Variants in DLC1 observed in about 807,000 individuals in gnomAD.
The protein encoded by DLC1 is rho GTPase-activating protein 7.
DLC1 carries 54 observed loss-of-function variants against 140.3 expected under a neutral mutation model. That is an observed-to-expected ratio of 0.38 (90% CI 0.31 to 0.48). The LOEUF (loss-of-function observed/expected upper bound fraction) is 0.48. Among genes scored for constraint, DLC1 ranks in the 20% least tolerant of loss-of-function variants. The pLI is 0.96. For synonymous variants in DLC1, 986 were observed against 728.1 expected, an observed-to-expected ratio of 1.35 and a Z score of -5.70; for missense variants, 2,536 against 1,907.0, an observed-to-expected ratio of 1.33 and a Z score of -6.14.
intron 5 of DLC1, among the ~76,000 whole-genome samples, chr8:13,175,360 A>C (rs1393377623): frequency 7.2e-6 from 1 of 139,328 alleles, no homozygotes; most frequent in African/African-American, 2.7e-5. Flanking sequence ...TTTTGGTTTG[A>C]TATGAAGTTC....
intron 5 of DLC1, among the ~76,000 whole-genome samples, chr8:13,268,073 T>C (rs1260714456): frequency 6.6e-6 from 1 of 152,194 alleles, no homozygotes; most frequent in African/African-American, 2.4e-5. Flanking sequence ...TATGTGTAAA[T>C]TGAAATATTT....
At chr8:13,117,970 C>A (rs993560720) in intron 5 of DLC1, among the ~76,000 whole-genome samples, 13 of 149,644 alleles carry the variant, frequency 8.7e-5, no homozygotes, top group Non-Finnish European at 1.2e-4. Flanking sequence ...TTCAGCAACA[C>A]AAAAATGCAT....
At chr8:13,601,984 G>A (rs960574567) in intron 1 of DLC1, among the ~76,000 whole-genome samples, 1 of 151,578 alleles carries the variant, frequency 6.6e-6, no homozygotes, top group African/African-American at 2.4e-5. Flanking sequence ...AGCTCCAATG[G>A]CTACCAACGT....
chr8:13,147,917 G>A (rs1298592752), intron 5 of DLC1, among the ~76,000 whole-genome samples: 1 of 152,144 alleles, frequency 6.6e-6, no homozygotes. Flanking sequence ...GAACCCGGGA[G>A]GCGGAGGTTG....
rs370289370 is a variant in DLC1 at position 13,090,230 on chromosome 8, C to T, written c.4074+22G>A. 2.7e-5 allele frequency: 44 copies of T among 1,606,602 alleles called. No individual in the cohort carries two copies. The East Asian group carries it at 3.1e-4, about 11-fold the overall frequency. ...GCTTCGACTCCTGGACTCAACTAGC[C>T]GACAACAGGGTGAAGCCTTACCTTC... On this transcript the variant is annotated intron_variant, in intron 15 of 17. Coordinates refer to ENST00000276297, the MANE Select transcript of DLC1 (RefSeq NM_182643.3).
chr8:13,452,091 A>G, intron 2 of DLC1, among the ~76,000 whole-genome samples: 1 of 152,098 alleles, frequency 6.6e-6, no homozygotes, highest in East Asian at 1.9e-4. Context: ...TTTGAGAGAT[A>G]GTCTTTTAAA....
chr8:13,533,929 C>T (rs1246524649), intron 1 of DLC1, among the ~76,000 whole-genome samples: 1 of 152,116 alleles, frequency 6.6e-6, no homozygotes, highest in Non-Finnish European at 1.5e-5. Flanking sequence ...TGTAAGTTTC[C>T]TGAGGCCTCC....
chr8:13,542,334 AT>A (rs1374294451), intron 1 of DLC1, among the ~76,000 whole-genome samples: 1 of 152,124 alleles, frequency 6.6e-6, no homozygotes, highest in African/African-American at 2.4e-5. Flanking sequence ...CTGCCTTTGC[AT>A]TTTGCTGACA....
chr8:13,457,317 C>T (rs576876949), intron 2 of DLC1, among the ~76,000 whole-genome samples: 1 of 152,146 alleles, frequency 6.6e-6, no homozygotes, highest in South Asian at 2.1e-4. Context: ...AAATATGCTC[C>T]TGTCATGCTA....
chr8:13,587,399 G>A (rs997817822), intron 1 of DLC1, among the ~76,000 whole-genome samples: 5 of 151,820 alleles, frequency 3.3e-5, no homozygotes, highest in Non-Finnish European at 7.4e-5. Context: ...TCCAAACAAA[G>A]CTCTGTTGGA....
At chr8:13,595,153 A>G (rs2117483751) in intron 1 of DLC1, among the ~76,000 whole-genome samples, 1 of 152,222 alleles carries the variant, frequency 6.6e-6, no homozygotes, top group African/African-American at 2.4e-5. Flanking sequence ...CACAAGCATT[A>G]AGATTACTAA....
chr8:13,171,926 G>A (rs1563135040), intron 5 of DLC1, among the ~76,000 whole-genome samples: 3 of 152,134 alleles, frequency 2.0e-5, no homozygotes, highest in South Asian at 4.1e-4. Flanking sequence ...CTACGGCTAC[G>A]GGTATCTGAA....
rs539517145 is a variant in DLC1, at chr8:13,143,751, G to C, written c.1349-28094C>G. ...TTGGGATAATCATTCTGGCGTCTTTGGCTACAATGTAAGAAGTTTGGTTGC... is the reference window on the plus strand; with the variant it reads ...TTGGGATAATCATTCTGGCGTCTTTCGCTACAATGTAAGAAGTTTGGTTGC... On this transcript the variant is annotated intron_variant, in intron 5 of 17. Transcript: ENST00000276297. Among the ~76,000 whole-genome samples, 4 of 150,834 alleles carry C rather than the reference G, an allele frequency of 2.7e-5. No homozygotes were observed. The East Asian group carries it at 7.8e-4, about 29-fold the overall frequency.
intron 4 of DLC1, among the ~76,000 whole-genome samples, chr8:13,379,662 G>A (rs1387540750): frequency 6.6e-6 from 1 of 152,052 alleles, no homozygotes; most frequent in African/African-American, 2.4e-5. Flanking sequence ...TTTACTTCAA[G>A]TTCTGGGGTA....
rs796687286 is a variant in DLC1, at chr8:13,592,416, T to C, written c.-126+12121A>G. Among the ~76,000 whole-genome samples the C allele has an allele frequency of 8.5e-5, 13 of 152,182 alleles. 1 individual carries two copies. Among genetic ancestry groups the C allele is most frequent in the South Asian group, 4.1e-4 (2 of 4,830 alleles). On this transcript the variant is annotated intron_variant, in intron 1 of 1. Coordinates refer to the DLC1 transcript ENST00000631382. The stretch of plus-strand genomic sequence containing the variant: ...TATTTATATTTTTATATTTCTCCCA[T>C]TTTTTGTAGCAAACATATGGATCTT...
chr8:13,431,644 A>G (rs1838878571), intron 2 of DLC1, among the ~76,000 whole-genome samples: 1 of 152,020 alleles, frequency 6.6e-6, no homozygotes. Context: ...CAAGACATAC[A>G]TCTGCTTTAG....
chr8:13,098,610 G>A, intron 9 of DLC1, 35 bp from the exon 10 acceptor site: 3 of 1,581,492 alleles, frequency 1.9e-6, no homozygotes, highest in Middle Eastern at 2.0e-4. Flanking sequence ...TGAGTGTGAA[G>A]CCTTTTTATT....
At chr8:13,490,776 A>T (rs1000650543) in intron 2 of DLC1, among the ~76,000 whole-genome samples, 2 of 152,050 alleles carry the variant, frequency 1.3e-5, no homozygotes, top group African/African-American at 2.4e-5. Flanking sequence ...AAAGTGTATT[A>T]ATTCTTGCTC....
intron 2 of DLC1, among the ~76,000 whole-genome samples, chr8:13,434,666 C>G (rs192728858): frequency 6.6e-6 from 1 of 152,226 alleles, no homozygotes; most frequent in Admixed American, 6.5e-5. Flanking sequence ...GTAATTTCCA[C>G]TTTCAAGTTT....
Sources: gnomAD v4.1 joint callset for allele counts (sites outside exome capture counted in the v4.1 genomes callset) on GRCh38, gnomAD v4.1.1 for gene constraint, MANE v1.5 for transcripts, NCBI Gene and HGNC (gene_info 2026-07-23, HGNC 2026-07-21) for gene names.